The following NR3C2 variants were observed in gnomAD, a reference collection of about 807,000 sequenced individuals.
NR3C2 encodes nuclear receptor subfamily 3 group C member 2.
A neutral mutation model predicts 86.4 loss-of-function variants in NR3C2; 15 were observed. The ratio of observed to expected loss-of-function variants is 0.17; its 90% CI spans 0.12 to 0.27. The LOEUF (loss-of-function observed/expected upper bound fraction) is 0.27, where lower values mean the gene tolerates loss of function less well. Among genes scored for constraint, NR3C2 ranks in the 10% least tolerant of loss-of-function variants. The pLI is 1.00. For synonymous variants in NR3C2, 458 were observed against 450.5 expected (o/e 1.02, Z -0.21); for missense variants, 960 against 1,195.6 (o/e 0.80, Z 2.91).
intron 2 of NR3C2, among the ~76,000 whole-genome samples, chr4:148,426,282 A>G (rs1318252113): frequency 6.6e-6 from 1 of 152,222 alleles, no homozygotes; most frequent in Non-Finnish European, 1.5e-5. Context: ...GAAAATCACC[A>G]GCACCCATCT....
chr4:148,237,705 C>A, intron 3 of NR3C2, among the ~76,000 whole-genome samples: 1 of 148,890 alleles, frequency 6.7e-6, no homozygotes, highest in Non-Finnish European at 1.5e-5. Flanking sequence ...AAATGATTTA[C>A]ATTGAAAATT....
At chr4:148,370,184 T>A (rs1746345671) in intron 2 of NR3C2, among the ~76,000 whole-genome samples, 1 of 152,164 alleles carries the variant, frequency 6.6e-6, no homozygotes, top group Non-Finnish European at 1.5e-5. Flanking sequence ...AGCTTCTGCT[T>A]CCTACGAAAG....
rs1748209402 is a variant in NR3C2, at chr4:148,402,281, TG to T, written c.1757+32822del. Among the ~76,000 whole-genome samples the T allele has an allele frequency of 2.0e-5, 3 of 152,138 alleles. No homozygotes were observed. In the South Asian group the frequency reaches 6.2e-4, roughly 32 times the overall value. On this transcript the variant is annotated intron_variant, in intron 2 of 8. Coordinates refer to ENST00000358102, the MANE Select transcript of NR3C2 (RefSeq NM_000901.5). ...GTAATTATTCTGAACTAGGAAAAAC[TG>T]GAAGTAGGGGAAGGAGGAGAAGCTA...
chr4:148,313,551 A>G, intron 2 of NR3C2, among the ~76,000 whole-genome samples: 1 of 152,186 alleles, frequency 6.6e-6, no homozygotes, highest in Non-Finnish European at 1.5e-5. Context: ...GGTAGATATT[A>G]TCGGTCGTGC....
intron 2 of NR3C2, among the ~76,000 whole-genome samples, chr4:148,425,726 A>G (rs1749497401): frequency 6.6e-6 from 1 of 152,178 alleles, no homozygotes; most frequent in Non-Finnish European, 1.5e-5. Flanking sequence ...ACTATCAGCC[A>G]CATAATCTGA....
chr4:148,375,597 TGA>T (rs996328290), intron 2 of NR3C2, among the ~76,000 whole-genome samples: 5 of 152,220 alleles, frequency 3.3e-5, no homozygotes, highest in African/African-American at 1.2e-4. Context: ...CTCTTTTTTG[TGA>T]GAGGCATGTC....
chr4:148,148,269 C>CA (rs1560946571), intron 6 of NR3C2, among the ~76,000 whole-genome samples: 1 of 152,204 alleles, frequency 6.6e-6, no homozygotes, highest in Non-Finnish European at 1.5e-5. Context: ...TCCCCTGCTC[C>CA]AGTCCTTGCC....
At chr4:148,274,796 C>G (rs1351675036) in intron 2 of NR3C2, among the ~76,000 whole-genome samples, 1 of 149,058 alleles carries the variant, frequency 6.7e-6, no homozygotes, top group Non-Finnish European at 1.5e-5. Context: ...CTCCTGGGTT[C>G]ACGTGATTCT....
At position 148,317,632 on chromosome 4, in the gene NR3C2, C is replaced by G. The variant is rs555005679; in HGVS notation, c.1758-57515G>C. The stretch of plus-strand genomic sequence containing the variant: ...TAAATGCTGGAATAAGCCAAAAGAT[C>G]TCAAAGAAGATGATGTTCAGTTTTA... On this transcript the variant is annotated intron_variant, in intron 2 of 8. Transcript: ENST00000358102. 3.3e-5 allele frequency among the ~76,000 whole-genome samples: 5 copies of G among 152,084 alleles called. No individual in the cohort carries two copies. The South Asian group carries it at 8.3e-4, about 25-fold the overall frequency.
chr4:148,273,707 G>A (rs1265021449), intron 2 of NR3C2, among the ~76,000 whole-genome samples: 1 of 152,166 alleles, frequency 6.6e-6, no homozygotes, highest in Non-Finnish European at 1.5e-5. Context: ...AGACAGCAAG[G>A]TAGTCAGGAA....
intron 8 of NR3C2, among the ~76,000 whole-genome samples, chr4:148,082,669 T>TTTTG: frequency 6.7e-6 from 1 of 150,190 alleles, no homozygotes; most frequent in East Asian, 2.0e-4. Flanking sequence ...GCTGCAGTTT[T>TTTTG]TTTTTTTTTT....
chr4:148,118,727 A>G (rs544801017), intron 7 of NR3C2, among the ~76,000 whole-genome samples: 1 of 152,242 alleles, frequency 6.6e-6, no homozygotes, highest in African/African-American at 2.4e-5. Context: ...TGATGTTAAC[A>G]TATTCCTATT....
chr4:148,328,605 C>T (rs1418283289), intron 2 of NR3C2, among the ~76,000 whole-genome samples: 1 of 152,184 alleles, frequency 6.6e-6, no homozygotes, highest in Non-Finnish European at 1.5e-5. Context: ...AACTTCTTGT[C>T]CTCTCCTCTG....
At chr4:148,372,338 G>A (rs1746460756) in intron 2 of NR3C2, among the ~76,000 whole-genome samples, 1 of 151,936 alleles carries the variant, frequency 6.6e-6, no homozygotes, top group African/African-American at 2.4e-5. Flanking sequence ...TTTAAAATAT[G>A]TCATATTCCC....
At chr4:148,392,404 T>C (rs1308812217) in intron 2 of NR3C2, among the ~76,000 whole-genome samples, 1 of 152,258 alleles carries the variant, frequency 6.6e-6, no homozygotes, top group African/African-American at 2.4e-5. Context: ...CTCTGAAATA[T>C]TTGCTGTAAG....
At chr4:148,414,230 G>C (rs1748884727) in intron 2 of NR3C2, among the ~76,000 whole-genome samples, 1 of 152,170 alleles carries the variant, frequency 6.6e-6, no homozygotes, top group Admixed American at 6.5e-5. Context: ...TATATATGCA[G>C]GATAAAAACA....
chr4:148,273,953 T>C (rs1303135437), intron 2 of NR3C2, among the ~76,000 whole-genome samples: 3 of 152,012 alleles, frequency 2.0e-5, no homozygotes, highest in Non-Finnish European at 2.9e-5. Context: ...TGGATAACAA[T>C]GTCAAGGGCA....
chr4:148,170,516 AT>A (rs1225979271), intron 4 of NR3C2, among the ~76,000 whole-genome samples: 8 of 151,934 alleles, frequency 5.3e-5, no homozygotes, highest in Admixed American at 5.2e-4. Flanking sequence ...TTGAAAAAAA[AT>A]TTTTTTTGAA....
At chr4:148,141,873 C>T (rs1382795651) in intron 6 of NR3C2, among the ~76,000 whole-genome samples, 1 of 152,096 alleles carries the variant, frequency 6.6e-6, no homozygotes, top group African/African-American at 2.4e-5. Flanking sequence ...TGAAACCATC[C>T]CCACACCCTG....
Sources: allele counts gnomAD v4.1 joint callset (sites outside exome capture counted in the v4.1 genomes callset), GRCh38; gene constraint gnomAD v4.1.1; transcripts MANE v1.5; gene names NCBI Gene and HGNC (gene_info 2026-07-23, HGNC 2026-07-21).